Variants in NEURL1 observed in about 807,000 individuals in gnomAD.
The protein encoded by NEURL1 is E3 ubiquitin-protein ligase NEURL1.
In NEURL1, 26 loss-of-function variants were observed where a neutral mutation model predicts 41.2. The observed-to-expected ratio is 0.63, with a 90% CI of 0.46 to 0.87. The LOEUF is 0.87. NEURL1 is among the 40% of genes least tolerant of loss of function. The pLI, the probability that NEURL1 is intolerant of heterozygous loss-of-function variation, is 0.00. For missense variants in NEURL1, 761 were observed against 871.1 expected (o/e 0.87, Z 1.59); for synonymous variants, 400 against 402.3 (o/e 0.99, Z 0.07).
chr10:103,527,326 G>A (rs138469779), intron 1 of NEURL1, among the ~76,000 whole-genome samples: 1,402 of 139,452 alleles, frequency 0.01, 22 homozygotes, highest in African/African-American at 0.035. Flanking sequence ...GCAGAGTCTC[G>A]CTCTGTTGCC....
At chr10:103,563,202 A>T (rs2035342769) in intron 1 of NEURL1, among the ~76,000 whole-genome samples, 1 of 152,214 alleles carries the variant, frequency 6.6e-6, no homozygotes, top group African/African-American at 2.4e-5. Flanking sequence ...TTATATTTTT[A>T]AAAAAGACCT....
In NEURL1 at chr10:103,566,439, T is replaced by A. The variant is rs1390282588; in HGVS notation, c.86-4433T>A. ...CTCTAGTTTTGCCTTTTCCAAAATA[T>A]CATACGGATGGAATCGTACAGCATA... On this transcript the variant is annotated intron_variant, in intron 1 of 5. Transcript: ENST00000369780. The surrounding 1 kb of genome is among the most constrained non-coding windows in gnomAD (Gnocchi z 4.2). Among the ~76,000 whole-genome samples, 2 of 152,208 alleles carry A rather than the reference T, an allele frequency of 1.3e-5. No individual in the cohort carries two copies. Among genetic ancestry groups the A allele is most frequent in the African/African-American group, 4.8e-5 (2 of 41,458 alleles).
intron 1 of NEURL1, among the ~76,000 whole-genome samples, chr10:103,551,534 C>T (rs2035032250): frequency 6.6e-6 from 1 of 152,074 alleles, no homozygotes; most frequent in South Asian, 2.1e-4. Flanking sequence ...GAACTCCTGA[C>T]CTCAAGTGAT....
At position 103,588,974 on chromosome 10, in the gene NEURL1, A is replaced by G. The variant is rs763512319; in HGVS notation, c.1340-540A>G. On this transcript the variant is annotated intron_variant, in intron 4 of 5. Coordinates refer to ENST00000369780, the MANE Select transcript of NEURL1 (RefSeq NM_004210.5). ...AAAAAAAAAAAAAGGAGAGGAAGTG[A>G]GTGACGGAAGGAGGAAGGAGGGGAG... The G allele has an allele frequency of 1.6e-4, 69 of 432,842 alleles. 2 individuals are homozygous for G. Among genetic ancestry groups the G allele is most frequent in the South Asian group, 1.1e-3 (65 of 61,878 alleles). 26.8% of individuals were successfully genotyped at this position (432,842 alleles called of 1,614,324 possible). A position where few individuals can be genotyped will look rare whatever the true frequency, so the allele number is the denominator to read the frequency against.
At chr10:103,526,367 G>A (rs1174219758) in intron 1 of NEURL1, among the ~76,000 whole-genome samples, 1 of 152,138 alleles carries the variant, frequency 6.6e-6, no homozygotes, top group Non-Finnish European at 1.5e-5. Context: ...ATCAGGTCCT[G>A]TGCTTTTCTT....
chr10:103,516,788 C>G (rs72848950), intron 1 of NEURL1, among the ~76,000 whole-genome samples: 36,761 of 152,000 alleles, frequency 0.24, 4,722 homozygotes, highest in East Asian at 0.29. Flanking sequence ...ATAACCAGTA[C>G]GATTCTGGAA....
In NEURL1 at chr10:103,585,407, C is replaced by T. The variant is rs577468816; in HGVS notation, c.1339+182C>T. 4.6e-5 allele frequency among the ~76,000 whole-genome samples: 7 copies of T among 152,244 alleles called. No homozygotes were observed. The South Asian group carries it at 1.0e-3, about 23-fold the overall frequency. Reference sequence around the variant, plus strand: ...TCTTGTCAGTGGCCCTTATATGTCACCTGGGAGACTCACCTGGGGGGTGAG... The same window carrying T: ...TCTTGTCAGTGGCCCTTATATGTCATCTGGGAGACTCACCTGGGGGGTGAG... On this transcript the variant is annotated intron_variant, in intron 4 of 5. Transcript: ENST00000369780.
chr10:103,513,595 C>T (rs1175125586), intron 1 of NEURL1, among the ~76,000 whole-genome samples: 6 of 152,228 alleles, frequency 3.9e-5, no homozygotes, highest in Non-Finnish European at 1.5e-5. Flanking sequence ...ATGTCCAACT[C>T]TGTCAGTTCA....
intron 2 of NEURL1, 40 bp downstream of exon 2, chr10:103,571,153 C>T (rs760902925): frequency 6.9e-6 from 11 of 1,593,918 alleles, no homozygotes; most frequent in South Asian, 1.1e-5. Context: ...CTCCTGCTTC[C>T]TGCTCCCCTC....
chr10:103,566,294 C>T lies in NEURL1; in HGVS notation c.86-4578C>T, dbSNP rs778607323. On this transcript the variant is annotated intron_variant, in intron 1 of 5. Coordinates refer to ENST00000369780, the MANE Select transcript of NEURL1 (RefSeq NM_004210.5). This position sits in a 1 kb window ranked among gnomAD's most constrained non-coding sequence, Gnocchi z 4.2. ...ATCTGTACAACGAGATGAGGTCTCA[C>T]GGTGTTGTCCAGGCTAAGATATGGA... is the stretch of plus-strand genomic sequence containing the variant. 3.9e-5 allele frequency among the ~76,000 whole-genome samples: 6 copies of T among 152,050 alleles called. No individual in the cohort carries two copies. Among genetic ancestry groups the T allele is most frequent in the Admixed American group, 2.6e-4 (4 of 15,266 alleles).
At position 103,571,608 on chromosome 10, in the gene NEURL1, C is replaced by G; in HGVS notation, c.435C>G (p.Asp145Glu). The G allele has an allele frequency of 6.2e-7, 1 of 1,614,166 alleles. No homozygotes were observed. Residue 145 changes from aspartate (D) to glutamate (E), a missense_variant, in exon 3 of 6, where the codon GAC becomes GAG. Asp to Glu is a conservative substitution (Grantham distance 45). This residue lies in a region of NEURL1 where 65 missense variants were observed against 131.6 expected (regional missense o/e 0.49). Transcript: ENST00000369780. ...PDSLPKYACP[D>E]LVSQSGFWAK... ...CGCTGCCCAAGTACGCCTGCCCCGACCTGGTGTCCCAGAGTGGCTTCTGGG... is the reference window on the plus strand; with the variant it reads ...CGCTGCCCAAGTACGCCTGCCCCGAGCTGGTGTCCCAGAGTGGCTTCTGGG...
At chr10:103,536,407 G>C (rs908270548) in intron 1 of NEURL1, among the ~76,000 whole-genome samples, 1 of 152,066 alleles carries the variant, frequency 6.6e-6, no homozygotes, top group Non-Finnish European at 1.5e-5. Context: ...AGCTGGGCGT[G>C]GGGGTGGGCA....
At chr10:103,533,600 G>A (rs943705939) in intron 1 of NEURL1, among the ~76,000 whole-genome samples, 44 of 151,768 alleles carry the variant, frequency 2.9e-4, no homozygotes, top group African/African-American at 7.5e-4. Context: ...GCAGTGGCGC[G>A]ATCTTGGCTC....
At chr10:103,564,540 T>TG (rs1192869133) in intron 1 of NEURL1, among the ~76,000 whole-genome samples, 1 of 152,124 alleles carries the variant, frequency 6.6e-6, no homozygotes, top group East Asian at 1.9e-4. Context: ...CTTGGACTCG[T>TG]GGGGAAAAGG....
chr10:103,552,743 G>C (rs1459874402), intron 1 of NEURL1, among the ~76,000 whole-genome samples: 3 of 152,198 alleles, frequency 2.0e-5, no homozygotes. Context: ...GGGTAGAGTT[G>C]AATTAAATGG....
chr10:103,546,232 C>T (rs1425390429), intron 1 of NEURL1, among the ~76,000 whole-genome samples: 1 of 152,088 alleles, frequency 6.6e-6, no homozygotes, highest in South Asian at 2.1e-4. Flanking sequence ...TTTATTTAAC[C>T]GAAGGTGGCT....
Position 103,571,011 on chromosome 10 carries a change from C to A in NEURL1, c.225C>A (p.Leu75=). 4 of 1,614,072 alleles carry A rather than the reference C, an allele frequency of 2.5e-6. No individual in the cohort carries two copies. The highest frequency in any genetic ancestry group is 3.4e-6 in the Non-Finnish European group (4 of 1,180,028). The change falls in exon 2 of 6, where the codon CTC becomes CTA. Residue 75 remains leucine, a synonymous_variant. Transcript: ENST00000369780. ...FHPHTKGSQI[L]MDLSHKAVKR... is the part of the protein sequence containing the mutation. ...CGCACACCAAGGGCTCCCAGATCCT[C>A]ATGGACCTCAGCCACAAGGCTGTCA...
intron 1 of NEURL1, among the ~76,000 whole-genome samples, chr10:103,561,056 A>T (rs969838202): frequency 6.6e-6 from 1 of 152,162 alleles, no homozygotes; most frequent in African/African-American, 2.4e-5. Context: ...GCTGCTTCGC[A>T]AGGCTTGCCA....
chr10:103,549,588 A>G (rs2034993079), intron 1 of NEURL1, among the ~76,000 whole-genome samples: 1 of 152,216 alleles, frequency 6.6e-6, no homozygotes. Context: ...CCCTGGCAGG[A>G]TGGCCATAAG....
Sources: allele counts gnomAD v4.1 joint callset (sites outside exome capture counted in the v4.1 genomes callset), GRCh38; gene constraint gnomAD v4.1.1; regional missense constraint gnomAD v4.1.1; non-coding constraint Gnocchi (gnomAD v3.1); transcripts MANE v1.5; gene names NCBI Gene and HGNC (gene_info 2026-07-23, HGNC 2026-07-21).